Variants in SLC7A14 observed in about 807,000 individuals in gnomAD.
SLC7A14 encodes the protein gamma-aminobutyric acid transporter SLC7A14.
Under a neutral mutation model 60.2 loss-of-function variants are expected in SLC7A14, and 37 were observed. The observed-to-expected ratio is 0.61, with a 90% CI of 0.47 to 0.81. The LOEUF (loss-of-function observed/expected upper bound fraction) is 0.81. Ranked by LOEUF, SLC7A14 falls within the 30% of genes least tolerant of loss-of-function variation. The probability of loss-of-function intolerance (pLI) is 0.00; values close to 1 mark genes in which losing one functional copy is unlikely to be tolerated. For synonymous variants in SLC7A14, 399 were observed against 395.8 expected, an observed-to-expected ratio of 1.01 and a Z score of -0.10; for missense variants, 886 against 982.7, an observed-to-expected ratio of 0.90 and a Z score of 1.32.
intron 1 of SLC7A14, among the ~76,000 whole-genome samples, chr3:170,536,772 C>T (rs976752746): frequency 1.3e-5 from 2 of 152,154 alleles, no homozygotes; most frequent in African/African-American, 4.8e-5. Context: ...AAAGTGTACT[C>T]ATGAGAGATG....
chr3:170,504,587 C>T (rs1285862255), intron 2 of SLC7A14, among the ~76,000 whole-genome samples: 2 of 152,132 alleles, frequency 1.3e-5, no homozygotes, highest in Non-Finnish European at 1.5e-5. Context: ...TTCCAAAGTA[C>T]TGGGATTACA....
chr3:170,513,002 A>G (rs1648501877), intron 2 of SLC7A14, among the ~76,000 whole-genome samples: 1 of 152,142 alleles, frequency 6.6e-6, no homozygotes, highest in South Asian at 2.1e-4. Flanking sequence ...CACAGCTGAC[A>G]AAGATGGGGG....
chr3:170,487,179 G>A (rs1366774860), intron 4 of SLC7A14, among the ~76,000 whole-genome samples: 1 of 140,518 alleles, frequency 7.1e-6, no homozygotes, highest in Admixed American at 7.9e-5. Context: ...CTGGCAGTCT[G>A]TCTGCCAGGA....
intron 1 of SLC7A14, among the ~76,000 whole-genome samples, chr3:170,565,761 T>C (rs1714771797): frequency 6.6e-6 from 1 of 152,100 alleles, no homozygotes; most frequent in South Asian, 2.1e-4. Context: ...GATAAACAGA[T>C]GATCTCAGCT....
At chr3:170,546,306 C>CT (rs903457611) in intron 1 of SLC7A14, among the ~76,000 whole-genome samples, 4 of 152,018 alleles carry the variant, frequency 2.6e-5, no homozygotes, top group Non-Finnish European at 5.9e-5. Context: ...CTGAGGGGAA[C>CT]TTTTTTTAGG....
At chr3:170,528,120 G>A (rs999631660) in intron 1 of SLC7A14, among the ~76,000 whole-genome samples, 1 of 152,158 alleles carries the variant, frequency 6.6e-6, no homozygotes, top group African/African-American at 2.4e-5. Context: ...GCAAGCATTT[G>A]ACACCGTCAT....
At chr3:170,553,094 G>C (rs527241558) in intron 1 of SLC7A14, among the ~76,000 whole-genome samples, 17 of 150,986 alleles carry the variant, frequency 1.1e-4, no homozygotes, top group African/African-American at 4.0e-4. Flanking sequence ...GTGCCTTTTG[G>C]GGGGAGTTTC....
chr3:170,571,502 A>G (rs895255874), intron 1 of SLC7A14, among the ~76,000 whole-genome samples: 3 of 152,230 alleles, frequency 2.0e-5, no homozygotes, highest in African/African-American at 7.2e-5. Context: ...TCACTGATGA[A>G]GAAAACTAAA....
intron 4 of SLC7A14, among the ~76,000 whole-genome samples, 161 bp from the exon 5 acceptor site, chr3:170,486,529 A>G (rs778878357): frequency 6.6e-5 from 10 of 152,122 alleles, no homozygotes; most frequent in Admixed American, 2.0e-4. Flanking sequence ...GATCTCCTCT[A>G]CTTTCTAGCT....
intron 1 of SLC7A14, among the ~76,000 whole-genome samples, chr3:170,558,803 T>C (rs1320351184): frequency 6.6e-6 from 1 of 152,214 alleles, no homozygotes; most frequent in Non-Finnish European, 1.5e-5. Flanking sequence ...CTGGACTCTT[T>C]TGCTGGCTAT....
At chr3:170,505,820 G>A (rs1252600063) in intron 2 of SLC7A14, among the ~76,000 whole-genome samples, 3 of 152,096 alleles carry the variant, frequency 2.0e-5, no homozygotes, top group African/African-American at 7.2e-5. Context: ...CCTGGGAGGT[G>A]GAGGTTGCAG....
rs550233745 is a variant in SLC7A14, at chr3:170,551,506, T to C, written c.-152-24418A>G. Among the ~76,000 whole-genome samples, 5 of 152,320 alleles carry C rather than the reference T, an allele frequency of 3.3e-5. No individual in the cohort carries two copies. In the South Asian group the frequency reaches 1.0e-3, roughly 32 times the overall value. On this transcript the variant is annotated intron_variant, in intron 1 of 7. Transcript: ENST00000231706. ...GTGTTCCAAGACAGCAGCACCACTT[T>C]GCATTCCCACCAGCAATGGATGATT...
chr3:170,525,362 A>G (rs1198269604), intron 2 of SLC7A14, among the ~76,000 whole-genome samples: 1 of 152,228 alleles, frequency 6.6e-6, no homozygotes, highest in Non-Finnish European at 1.5e-5. Context: ...CTTGCACCTT[A>G]TTTTTAAAAA....
intron 4 of SLC7A14, among the ~76,000 whole-genome samples, chr3:170,497,662 A>G (rs1048544276): frequency 2.6e-5 from 4 of 152,218 alleles, no homozygotes; most frequent in Admixed American, 1.3e-4. Context: ...TGACAGCTCA[A>G]AATTCTCTGA....
chr3:170,574,381 C>A (rs115568584), intron 1 of SLC7A14, among the ~76,000 whole-genome samples: 3,434 of 152,280 alleles, frequency 0.023, 142 homozygotes, highest in African/African-American at 0.079. Flanking sequence ...ACTTTCTTGG[C>A]CACTCCCAAT....
At chr3:170,469,212 A>G (rs376229154) in intron 7 of SLC7A14, among the ~76,000 whole-genome samples, 1 of 152,178 alleles carries the variant, frequency 6.6e-6, no homozygotes, top group African/African-American at 2.4e-5. Flanking sequence ...TAGAACCGCA[A>G]GTCAAGCCTG....
rs114804366 is a variant in SLC7A14 at position 170,536,058 on chromosome 3, G to A, written c.-152-8970C>T. On this transcript the variant is annotated intron_variant, in intron 1 of 7. Coordinates refer to ENST00000231706, the MANE Select transcript of SLC7A14 (RefSeq NM_020949.3). ...CTGGGTTTGAAGTCTGAACAGTGAG[G>A]TCTGGGCTTTGACTCTGCTGTGTGA... is the stretch of plus-strand genomic sequence containing the variant. 3.5e-3 allele frequency among the ~76,000 whole-genome samples: 532 copies of A among 152,280 alleles called. 5 individuals carry two copies. Among genetic ancestry groups the A allele is most frequent in the African/African-American group, 0.012 (484 of 41,554 alleles).
intron 1 of SLC7A14, among the ~76,000 whole-genome samples, chr3:170,551,209 GTA>G (rs529423742): frequency 3.9e-5 from 6 of 152,230 alleles, no homozygotes; most frequent in Admixed American, 1.3e-4. Flanking sequence ...CATCCATGTT[GTA>G]TCACATATCA....
At chr3:170,526,243 A>T (rs1191928983) in intron 2 of SLC7A14, among the ~76,000 whole-genome samples, 1 of 151,874 alleles carries the variant, frequency 6.6e-6, no homozygotes, top group African/African-American at 2.4e-5. Context: ...CTCTACTAAA[A>T]ATACAAAAAT....
Sources: allele counts gnomAD v4.1 joint callset (sites outside exome capture counted in the v4.1 genomes callset), GRCh38; gene constraint gnomAD v4.1.1; transcripts MANE v1.5; gene names NCBI Gene and HGNC (gene_info 2026-07-23, HGNC 2026-07-21).